The following KLHL35 variants were observed in gnomAD, a reference collection of about 807,000 sequenced individuals.
KLHL35 encodes kelch like family member 35.
KLHL35 carries 50 observed loss-of-function variants against 44.0 expected under a neutral mutation model. The ratio of observed to expected loss-of-function variants is 1.14; its 90% CI spans 0.91 to 1.44. The LOEUF (loss-of-function observed/expected upper bound fraction) is 1.44. KLHL35 is among the 40% of genes most tolerant of loss of function. The pLI, the probability that KLHL35 is intolerant of heterozygous loss-of-function variation, is 0.00. For missense variants in KLHL35, 1,049 were observed against 887.8 expected, an observed-to-expected ratio of 1.18 and a Z score of -2.31; for synonymous variants, 470 against 410.4, an observed-to-expected ratio of 1.15 and a Z score of -1.76.
rs1446369589 is a variant in KLHL35 at position 75,429,822 on chromosome 11, G to A, written c.808C>T (p.Pro270Ser). ...ELLQACGECR[P>S]LLLEARACFI... ...CAGGCGCGAGCCTCGAGCAGCAGCG[G>A]GCGGCACTCGCCGCAGGCCTGCAGC... is the stretch of plus-strand genomic sequence containing the variant. The change falls in exon 2 of 7, where the codon CCG (proline) becomes TCG (serine). Residue 270 changes from proline (P) to serine (S), a missense_variant. By Grantham distance (74) the Pro-to-Ser change is moderately conservative (BLOSUM62 -1). Coordinates refer to ENST00000539798, the MANE Select transcript of KLHL35 (RefSeq NM_001039548.3). The A allele has an allele frequency of 1.3e-6, 2 of 1,512,508 alleles. No homozygotes were observed. Among genetic ancestry groups the A allele is most frequent in the East Asian group, 2.7e-5 (1 of 37,122 alleles). 93.7% of individuals were successfully genotyped at this position (1,512,508 alleles called of 1,614,324 possible). A position where few individuals can be genotyped will look rare whatever the true frequency, so the allele number is the denominator to read the frequency against.
At chr11:75,432,710 G>C (rs1948547654) in intron 1 of KLHL35, among the ~76,000 whole-genome samples, 1 of 152,190 alleles carries the variant, frequency 6.6e-6, no homozygotes, top group South Asian at 2.1e-4. Flanking sequence ...AGTGACATCA[G>C]ATCCAGCATT....
At chr11:75,428,695 C>T in intron 2 of KLHL35, 69 bp from the exon 3 acceptor site, 1 of 1,350,024 alleles carries the variant, frequency 7.4e-7, no homozygotes. Flanking sequence ...CCCTCTCGAC[C>T]ACACTGCACG....
Position 75,422,774 on chromosome 11 carries a change from T to C in KLHL35, c.1564-6A>G. The C allele has an allele frequency of 6.2e-7, 1 of 1,607,012 alleles. No homozygotes were observed. Among genetic ancestry groups the C allele is most frequent in the Non-Finnish European group, 8.5e-7 (1 of 1,174,070 alleles). Reference sequence around the variant, plus strand: ...ACAGTGACTCCACAGCTTTCCTGGGTGGACAAACAGAAAGACAACTATCAG... The same window carrying C: ...ACAGTGACTCCACAGCTTTCCTGGGCGGACAAACAGAAAGACAACTATCAG... On this transcript the variant is annotated splice_region_variant and splice_polypyrimidine_tract_variant and intron_variant, in intron 6 of 6. Coordinates refer to ENST00000539798, the MANE Select transcript of KLHL35 (RefSeq NM_001039548.3).
At chr11:75,427,752 T>A (rs1037288883) in intron 3 of KLHL35, among the ~76,000 whole-genome samples, 1 of 152,212 alleles carries the variant, frequency 6.6e-6, no homozygotes, top group African/African-American at 2.4e-5. Context: ...TTTCTGCATG[T>A]CCCTGCCCTT....
rs1257867016 is a variant in KLHL35 at position 75,422,639 on chromosome 11, G to A, written c.1693C>T (p.Leu565=). Reference sequence around the variant, plus strand: ...CCGTGGGAGCTGGTGCAGCGCTGCAGGGATGGCTGGACCTCCACCTGCCCA... The same window carrying A: ...CCGTGGGAGCTGGTGCAGCGCTGCAAGGATGGCTGGACCTCCACCTGCCCA... The part of the protein sequence containing the change: ...SSGQVEVQPS[L]QRCTSSHGCV... The change falls in exon 7 of 7, where the codon CTG becomes TTG. Residue 565 remains leucine (L), a synonymous_variant. Transcript: ENST00000539798. The A allele has an allele frequency of 6.2e-6, 10 of 1,613,912 alleles. No individual in the cohort carries two copies. Among genetic ancestry groups the A allele is most frequent in the Non-Finnish European group, 8.5e-6 (10 of 1,179,910 alleles).
chr11:75,423,883 G>C lies in KLHL35; in HGVS notation c.1375-3C>G. The stretch of plus-strand genomic sequence containing the variant: ...TCCTTGGGGTCAAAGCACTGCACCT[G>C]AGGGGCAAGAGCAGCAGTGGTGAAG... On this transcript the variant is annotated splice_region_variant and splice_polypyrimidine_tract_variant and intron_variant, in intron 5 of 6. Coordinates refer to ENST00000539798, the MANE Select transcript of KLHL35 (RefSeq NM_001039548.3). 6.2e-7 allele frequency: 1 copy of C among 1,609,548 alleles called. No homozygotes were observed. Among genetic ancestry groups the C allele is most frequent in the South Asian group, 1.1e-5 (1 of 90,712 alleles).
intron 1 of KLHL35, among the ~76,000 whole-genome samples, chr11:75,432,594 G>T (rs999783721): frequency 6.6e-6 from 1 of 152,130 alleles, no homozygotes; most frequent in Admixed American, 6.5e-5. Context: ...TTGCAAAGGT[G>T]CCCCACAGCA....
intron 2 of KLHL35, among the ~76,000 whole-genome samples, chr11:75,429,351 T>C (rs1948514930): frequency 6.6e-6 from 1 of 152,226 alleles, no homozygotes; most frequent in Admixed American, 6.5e-5. Flanking sequence ...AGCCTCCCAG[T>C]CTGGCTTTCC....
chr11:75,429,582 C>T (rs1404003108), intron 2 of KLHL35, among the ~76,000 whole-genome samples, 167 bp downstream of exon 2: 1 of 152,240 alleles, frequency 6.6e-6, no homozygotes, highest in Non-Finnish European at 1.5e-5. Context: ...CCCTCACTGG[C>T]TTGTTAACTC....
Position 75,430,416 on chromosome 11 carries a change from C to T in KLHL35, c.214G>A (p.Ala72Thr). ...GCCGGGCCGCGCTCGGGCCGCCCGGCCGCGAACAAGCTGCGGAAGTAGGCG... is the reference window on the plus strand; with the variant it reads ...GCCGGGCCGCGCTCGGGCCGCCCGGTCGCGAACAAGCTGCGGAAGTAGGCG... Reference protein sequence around the residue: ...GSAYFRSLFAAGRPERGPAVV... With the variant: ...GSAYFRSLFATGRPERGPAVV... Residue 72 changes from alanine (A) to threonine (T), a missense_variant, in exon 2 of 7, where the codon GCC becomes ACC. Ala to Thr is a moderately conservative substitution (Grantham distance 58). Transcript: ENST00000539798. The T allele has an allele frequency of 7.3e-7, 1 of 1,368,214 alleles. No homozygotes were observed. 84.8% of individuals were successfully genotyped at this position (1,368,214 alleles called of 1,614,324 possible).
intron 3 of KLHL35, 113 bp downstream of exon 3, chr11:75,428,329 T>A (rs972919939): frequency 8.0e-7 from 1 of 1,247,420 alleles, no homozygotes; most frequent in African/African-American, 1.5e-5. Context: ...TAACTGTAGG[T>A]TATCAGAAAA....
In KLHL35 at chr11:75,430,591, G is replaced by GGA; in HGVS notation, c.38_39insTC (p.Cys14ProfsTer19). 1 of 1,424,292 alleles carries GGA rather than the reference G, an allele frequency of 7.0e-7. No individual in the cohort carries two copies. Among genetic ancestry groups the GGA allele is most frequent in the Non-Finnish European group, 9.2e-7 (1 of 1,091,312 alleles). 88.2% of individuals were successfully genotyped at this position (1,424,292 alleles called of 1,614,324 possible). A position where few individuals can be genotyped will look rare whatever the true frequency, so the allele number is the denominator to read the frequency against. ...ACGGACCCGCGCACGGCGCTTCGCA[G>GGA]CCCGGCTCCGACTCCTCCGGCGCAT... On this transcript the variant is annotated frameshift_variant, in exon 2 of 7. Coordinates refer to ENST00000539798, the MANE Select transcript of KLHL35 (RefSeq NM_001039548.3). LOFTEE classifies it high-confidence loss of function.
chr11:75,429,387 A>C (rs1948515003), intron 2 of KLHL35, among the ~76,000 whole-genome samples: 1 of 152,092 alleles, frequency 6.6e-6, no homozygotes, highest in Non-Finnish European at 1.5e-5. Context: ...TGCTTTCACT[A>C]CTTCCCCATG....
At chr11:75,424,032 G>T (rs930388687) in intron 5 of KLHL35, 152 bp from the exon 6 acceptor site, 7 of 627,852 alleles carry the variant, frequency 1.1e-5, no homozygotes, top group Non-Finnish European at 1.9e-5. Context: ...TGGGAGGGAG[G>T]GGGAGGTCCA....
At chr11:75,422,977 C>T (rs1403590527) in intron 6 of KLHL35, 1 of 566,478 alleles carries the variant, frequency 1.8e-6, no homozygotes, top group Middle Eastern at 4.6e-4. Context: ...CTTAACCTCT[C>T]TGGACCTCAG....
intron 1 of KLHL35, 25 bp from the exon 2 acceptor site, chr11:75,430,655 C>A: frequency 7.6e-7 from 1 of 1,323,400 alleles, no homozygotes; most frequent in Non-Finnish European, 9.6e-7. Context: ...ACACAAACAG[C>A]GTCGGGGAAG....
chr11:75,426,493 A>T, intron 4 of KLHL35, 27 bp downstream of exon 4: 1 of 1,486,014 alleles, frequency 6.7e-7, no homozygotes, highest in Non-Finnish European at 9.2e-7. Flanking sequence ...CTTGTGTCCC[A>T]GGGCAGCCGC....
intron 4 of KLHL35, chr11:75,426,149 G>C (rs1022394829): frequency 6.2e-6 from 1 of 162,280 alleles, no homozygotes; most frequent in Non-Finnish European, 1.4e-5. Context: ...TAGAGACGGG[G>C]TTTCACCGTG....
chr11:75,431,916 C>T (rs1290496854), intron 1 of KLHL35, among the ~76,000 whole-genome samples: 2 of 152,192 alleles, frequency 1.3e-5, no homozygotes, highest in African/African-American at 2.4e-5. Context: ...ATTTCATCCT[C>T]ACAAGCTGAG....
Sources: allele counts gnomAD v4.1 joint callset (sites outside exome capture counted in the v4.1 genomes callset), GRCh38; gene constraint gnomAD v4.1.1; transcripts MANE v1.5; gene names NCBI Gene and HGNC (gene_info 2026-07-23, HGNC 2026-07-21).